Variants in CTNND2 observed in about 807,000 individuals in gnomAD.
CTNND2 encodes catenin delta 2.
CTNND2 carries 22 observed loss-of-function variants against 144.4 expected under a neutral mutation model. That is an observed-to-expected ratio of 0.15 (90% CI 0.11 to 0.22). The LOEUF is 0.22. CTNND2 is among the 10% of genes least tolerant of loss of function. The probability of loss-of-function intolerance (pLI) is 1.00; values close to 1 mark genes in which losing one functional copy is unlikely to be tolerated. For synonymous variants in CTNND2, 751 were observed against 695.6 expected (o/e 1.08, Z -1.25); for missense variants, 1,353 against 1,618.8 (o/e 0.84, Z 2.82).
rs1479508922 is a variant in CTNND2 at position 11,397,098 on chromosome 5, T to C, written c.545A>G (p.Glu182Gly). Reference sequence around the variant, plus strand: ...GGCCGGGAGCTGTGAAGGGGTGGTTTCCCCCAGGGCCAGGGTCTGGTTGCT... The same window carrying C: ...GGCCGGGAGCTGTGAAGGGGTGGTTCCCCCCAGGGCCAGGGTCTGGTTGCT... Reference protein sequence around the residue: ...YHSNQTLALGETTPSQLPARG... With the variant: ...YHSNQTLALGGTTPSQLPARG... The change falls in exon 6 of 22, where the codon GAA (glutamate) becomes GGA (glycine). Residue 182 changes from glutamate to glycine, a missense_variant. Glu to Gly is a moderately conservative substitution (Grantham distance 98, BLOSUM62 -2). This residue lies in a region of CTNND2 where 708 missense variants were observed against 706.4 expected (regional missense o/e 1.00). Transcript: ENST00000304623. The C allele has an allele frequency of 5.6e-6, 9 of 1,613,980 alleles. No homozygotes were observed. Among genetic ancestry groups the C allele is most frequent in the African/African-American group, 1.3e-5 (1 of 74,906 alleles).
chr5:11,894,920 A>G (rs1737275300), intron 1 of CTNND2, among the ~76,000 whole-genome samples: 1 of 152,196 alleles, frequency 6.6e-6, no homozygotes, highest in Non-Finnish European at 1.5e-5. Context: ...TTACATGCCT[A>G]CTACTATCCT....
chr5:11,306,999 C>T (rs1265937796), intron 9 of CTNND2, among the ~76,000 whole-genome samples: 1 of 152,110 alleles, frequency 6.6e-6, no homozygotes, highest in Non-Finnish European at 1.5e-5. Context: ...TTACCAACAT[C>T]CTAGGGGTGC....
intron 1 of CTNND2, among the ~76,000 whole-genome samples, chr5:11,831,307 C>G (rs1388069880): frequency 6.7e-6 from 1 of 150,222 alleles, no homozygotes; most frequent in African/African-American, 2.4e-5. Flanking sequence ...TCAATCAAGA[C>G]CCAATATGAA....
rs555201921 is a variant in CTNND2, at chr5:11,770,314, T to G, written c.38-38042A>C. 7.2e-4 allele frequency among the ~76,000 whole-genome samples: 109 copies of G among 152,142 alleles called. 1 individual carries two copies. Among genetic ancestry groups the G allele is most frequent in the Non-Finnish European group, 1.1e-3 (74 of 68,018 alleles). ...TTAACGTGAATACTCAGTACTGAAC[T>G]AATAACACTTGAAGTAAACAGAATT... On this transcript the variant is annotated intron_variant, in intron 1 of 21. Transcript: ENST00000304623.
intron 1 of CTNND2, among the ~76,000 whole-genome samples, chr5:11,865,626 G>A (rs1795724793): frequency 6.6e-6 from 1 of 152,060 alleles, no homozygotes; most frequent in Non-Finnish European, 1.5e-5. Context: ...CTAATTCCTA[G>A]AACCAGTGAA....
At chr5:11,749,505 T>C (rs1189013108) in intron 1 of CTNND2, among the ~76,000 whole-genome samples, 5 of 151,980 alleles carry the variant, frequency 3.3e-5, no homozygotes, top group Admixed American at 3.3e-4. Context: ...CCTCAGAGTT[T>C]ATGACTTATC....
At chr5:11,470,120 A>T (rs182882205) in intron 3 of CTNND2, among the ~76,000 whole-genome samples, 1 of 152,308 alleles carries the variant, frequency 6.6e-6, no homozygotes, top group Admixed American at 6.5e-5. Context: ...TATTATCAGG[A>T]TAGTTTTAGA....
chr5:11,313,346 G>A (rs1366556108), intron 9 of CTNND2, among the ~76,000 whole-genome samples: 2 of 152,162 alleles, frequency 1.3e-5, no homozygotes, highest in African/African-American at 4.8e-5. Flanking sequence ...CAGGGACAAG[G>A]TTTTTCCAAG....
intron 3 of CTNND2, among the ~76,000 whole-genome samples, chr5:11,549,962 T>C (rs1235579648): frequency 6.6e-6 from 1 of 152,158 alleles, no homozygotes; most frequent in African/African-American, 2.4e-5. Flanking sequence ...AAATAATGTA[T>C]CTGTAAAAAT....
At chr5:11,816,057 A>G (rs1792623675) in intron 1 of CTNND2, among the ~76,000 whole-genome samples, 1 of 152,154 alleles carries the variant, frequency 6.6e-6, no homozygotes, top group South Asian at 2.1e-4. Context: ...ACACAGTTGG[A>G]GCGTGCCTGT....
intron 11 of CTNND2, among the ~76,000 whole-genome samples, chr5:11,193,289 T>C (rs1294523996): frequency 6.6e-6 from 1 of 152,244 alleles, no homozygotes; most frequent in Non-Finnish European, 1.5e-5. Context: ...TGAACCTTAA[T>C]GTCTTCGGAC....
chr5:11,134,449 T>C (rs1755929158), intron 12 of CTNND2, among the ~76,000 whole-genome samples: 1 of 152,210 alleles, frequency 6.6e-6, no homozygotes, highest in South Asian at 2.1e-4. Context: ...GACTCTGCAG[T>C]AATCAATTAG....
At chr5:11,756,788 G>A (rs116796899) in intron 1 of CTNND2, among the ~76,000 whole-genome samples, 2,216 of 151,260 alleles carry the variant, frequency 0.015, 43 homozygotes, top group African/African-American at 0.051. Context: ...TAAATCTGTC[G>A]ACAGCTATCC....
intron 2 of CTNND2, among the ~76,000 whole-genome samples, chr5:11,599,581 G>C (rs939764854): frequency 4.6e-5 from 7 of 152,062 alleles, no homozygotes; most frequent in African/African-American, 1.4e-4. Flanking sequence ...AAAGGATTTG[G>C]GTTTTTTTGC....
rs761963950 is a variant in CTNND2, at chr5:11,411,608, G to A, written c.367C>T (p.Leu123=). The change falls in exon 5 of 22, where the codon CTG becomes TTG. Residue 123 remains leucine (L), a synonymous_variant. Transcript: ENST00000304623. The stretch of plus-strand genomic sequence containing the variant: ...AGTGACCTAATACAGGAGTCCACCA[G>A]CTCGAGACCTGTTGTAAGCTCATCT... ...IEDELTTGLE[L]VDSCIRSLQE... is the part of the protein sequence containing the mutation. 1 of 1,612,694 alleles carries A rather than the reference G, an allele frequency of 6.2e-7. No homozygotes were observed.
chr5:11,327,263 T>C (rs1360699400), intron 9 of CTNND2, among the ~76,000 whole-genome samples: 1 of 152,098 alleles, frequency 6.6e-6, no homozygotes, highest in Non-Finnish European at 1.5e-5. Context: ...TAAGTGATTC[T>C]GGGATGAACA....
intron 3 of CTNND2, among the ~76,000 whole-genome samples, chr5:11,481,984 C>T (rs752169690): frequency 7.9e-5 from 12 of 152,182 alleles, no homozygotes; most frequent in Non-Finnish European, 1.6e-4. Flanking sequence ...GAACAGCACA[C>T]AGCCTTGGGT....
intron 1 of CTNND2, among the ~76,000 whole-genome samples, chr5:11,805,282 T>G: frequency 6.6e-6 from 1 of 152,140 alleles, no homozygotes; most frequent in East Asian, 1.9e-4. Context: ...GAAATATTCA[T>G]AGGTAATGTA....
intron 7 of CTNND2, among the ~76,000 whole-genome samples, chr5:11,377,210 C>G (rs1425345950): frequency 6.6e-6 from 1 of 151,474 alleles, no homozygotes; most frequent in Non-Finnish European, 1.5e-5. Context: ...GCCGCCACAC[C>G]TGGCTAATTT....
Sources: allele counts gnomAD v4.1 joint callset (sites outside exome capture counted in the v4.1 genomes callset), GRCh38; gene constraint gnomAD v4.1.1; regional missense constraint gnomAD v4.1.1; transcripts MANE v1.5; gene names NCBI Gene and HGNC (gene_info 2026-07-23, HGNC 2026-07-21).